The following MGAT4C variants were observed in gnomAD, a reference collection of about 807,000 sequenced individuals.
MGAT4C encodes the protein alpha-1,3-mannosyl-glycoprotein 4-beta-N-acetylglucosaminyltransferase C.
A neutral mutation model predicts 40.1 loss-of-function variants in MGAT4C; 19 were observed. The ratio of observed to expected loss-of-function variants is 0.47; its 90% confidence interval spans 0.33 to 0.70. The LOEUF is 0.70. Among genes scored for constraint, MGAT4C ranks in the 30% least tolerant of loss-of-function variants. The pLI is 0.02. For synonymous variants in MGAT4C, 181 were observed against 187.1 expected, an observed-to-expected ratio of 0.97 and a Z score of 0.27; for missense variants, 491 against 563.2, an observed-to-expected ratio of 0.87 and a Z score of 1.30.
At chr12:86,504,268 C>T (rs2136338821) in intron 2 of MGAT4C, among the ~76,000 whole-genome samples, 1 of 152,126 alleles carries the variant, frequency 6.6e-6, no homozygotes, top group South Asian at 2.1e-4. Context: ...TATCCTATGA[C>T]TCAGAAATTC....
At chr12:86,114,008 G>T (rs946584477) in intron 1 of MGAT4C, among the ~76,000 whole-genome samples, 5 of 151,706 alleles carry the variant, frequency 3.3e-5, no homozygotes, top group African/African-American at 1.2e-4. Flanking sequence ...CCTTTTAGTG[G>T]GTTGATAAGA....
intron 2 of MGAT4C, among the ~76,000 whole-genome samples, chr12:86,554,471 A>G (rs1959516021): frequency 6.6e-6 from 1 of 152,116 alleles, no homozygotes; most frequent in South Asian, 2.1e-4. Flanking sequence ...GCTTTTCACT[A>G]CCATACTAGT....
At chr12:86,174,997 G>A (rs563820080) in intron 1 of MGAT4C, among the ~76,000 whole-genome samples, 1 of 151,956 alleles carries the variant, frequency 6.6e-6, no homozygotes, top group African/African-American at 2.4e-5. Context: ...AAATAGAATT[G>A]CCATGTATAG....
chr12:86,356,144 CA>C (rs1592734266), intron 3 of MGAT4C, among the ~76,000 whole-genome samples: 1 of 151,634 alleles, frequency 6.6e-6, no homozygotes, highest in Admixed American at 6.6e-5. Flanking sequence ...AGATGAAAGT[CA>C]AAAAAATTTA....
At chr12:86,356,607 G>A (rs145514213) in intron 3 of MGAT4C, among the ~76,000 whole-genome samples, 10 of 152,142 alleles carry the variant, frequency 6.6e-5, no homozygotes, top group East Asian at 5.8e-4. Flanking sequence ...CTGGAAAATC[G>A]GATCACTCCC....
At chr12:86,127,598 G>A (rs1292233744) in intron 1 of MGAT4C, among the ~76,000 whole-genome samples, 1 of 151,902 alleles carries the variant, frequency 6.6e-6, no homozygotes, top group East Asian at 1.9e-4. Flanking sequence ...CTTTTATAAT[G>A]ACACTTAGCT....
chr12:86,709,241 A>G (rs537774101), intron 2 of MGAT4C, among the ~76,000 whole-genome samples: 1 of 152,272 alleles, frequency 6.6e-6, no homozygotes, highest in Non-Finnish European at 1.5e-5. Context: ...GTTGCCATCC[A>G]TGTAAGACGT....
At chr12:86,099,389 G>A (rs943221534) in intron 1 of MGAT4C, among the ~76,000 whole-genome samples, 3 of 147,242 alleles carry the variant, frequency 2.0e-5, no homozygotes, top group Admixed American at 7.0e-5. Flanking sequence ...TTCTTTTGGG[G>A]GGGGGCAAAA....
At chr12:86,039,350 G>C (rs905145431) in intron 2 of MGAT4C, among the ~76,000 whole-genome samples, 25 of 152,102 alleles carry the variant, frequency 1.6e-4, no homozygotes, top group Non-Finnish European at 3.1e-4. Context: ...TCACTTTCAG[G>C]TACACCTATC....
chr12:86,363,275 T>G (rs1175600332), intron 3 of MGAT4C, among the ~76,000 whole-genome samples: 1 of 152,118 alleles, frequency 6.6e-6, no homozygotes, highest in Non-Finnish European at 1.5e-5. Context: ...CATAACAGAC[T>G]TAAATTTAGA....
intron 1 of MGAT4C, among the ~76,000 whole-genome samples, chr12:86,168,320 T>A (rs1018623341): frequency 4.6e-5 from 7 of 152,170 alleles, no homozygotes; most frequent in African/African-American, 1.7e-4. Context: ...CTTGAGAAAT[T>A]ATCACCAGTA....
intron 1 of MGAT4C, among the ~76,000 whole-genome samples, chr12:86,792,660 A>G (rs1269017605): frequency 6.6e-6 from 1 of 152,114 alleles, no homozygotes; most frequent in East Asian, 1.9e-4. Context: ...GGCCGGGCGC[A>G]GTGGCTCACA....
intron 1 of MGAT4C, among the ~76,000 whole-genome samples, chr12:86,172,797 G>A (rs1472490665): frequency 1.3e-5 from 2 of 152,006 alleles, no homozygotes; most frequent in Non-Finnish European, 2.9e-5. Flanking sequence ...ACAAAAATGA[G>A]ATCACTTCTA....
At chr12:86,479,202 AACAG>A (rs767601208) in intron 2 of MGAT4C, among the ~76,000 whole-genome samples, 9 of 152,036 alleles carry the variant, frequency 5.9e-5, no homozygotes, top group East Asian at 3.9e-4. Flanking sequence ...AGTGTATGAA[AACAG>A]ACAAAGATTT....
At chr12:86,363,278 A>G (rs1479451383) in intron 3 of MGAT4C, among the ~76,000 whole-genome samples, 1 of 152,134 alleles carries the variant, frequency 6.6e-6, no homozygotes, top group African/African-American at 2.4e-5. Context: ...AACAGACTTA[A>G]ATTTAGAAGA....
chr12:86,838,422 T>G (rs890028958), intron 1 of MGAT4C, among the ~76,000 whole-genome samples: 1 of 152,212 alleles, frequency 6.6e-6, no homozygotes, highest in Non-Finnish European at 1.5e-5. Flanking sequence ...TAATGCAGCC[T>G]GCAGCACGGT....
intron 2 of MGAT4C, among the ~76,000 whole-genome samples, chr12:86,484,244 C>T (rs1224283180): frequency 6.6e-6 from 1 of 152,134 alleles, no homozygotes; most frequent in African/African-American, 2.4e-5. Context: ...GGAACACCAC[C>T]ATAGGCACCC....
At chr12:86,553,964 CT>C (rs1367710767) in intron 2 of MGAT4C, among the ~76,000 whole-genome samples, 4 of 152,108 alleles carry the variant, frequency 2.6e-5, no homozygotes, top group African/African-American at 9.7e-5. Flanking sequence ...TTATCTCTTC[CT>C]TCCATTTCAT....
At position 86,392,909 on chromosome 12, in the gene MGAT4C, T is replaced by C. The variant is rs181531307; in HGVS notation, c.-120+42248A>G. ...TGATCCAAATATTAACAGAATATGA[T>C]ACATAAATTATTGAAATGTTTACAG... On this transcript the variant is annotated intron_variant, in intron 3 of 7. Transcript: ENST00000548651. Among the ~76,000 whole-genome samples, 10 of 152,326 alleles carry C rather than the reference T, an allele frequency of 6.6e-5. 1 individual carries two copies. The highest frequency in any genetic ancestry group is 5.9e-5 in the Non-Finnish European group (4 of 68,022).
Sources: gnomAD v4.1 joint callset for allele counts (sites outside exome capture counted in the v4.1 genomes callset) on GRCh38, gnomAD v4.1.1 for gene constraint, MANE v1.5 for transcripts, NCBI Gene and HGNC (gene_info 2026-07-23, HGNC 2026-07-21) for gene names.